NIBAN1: variants seen among roughly 807,000 people sequenced by gnomAD.
NIBAN1 encodes protein Niban 1.
Under a neutral mutation model 75.1 loss-of-function variants are expected in NIBAN1, and 81 were observed. That is an observed-to-expected ratio of 1.08 (90% CI 0.90 to 1.30). The LOEUF is 1.30. NIBAN1 is among the 50% of genes most tolerant of loss of function. NIBAN1 has a pLI of 0.00. For synonymous variants in NIBAN1, 436 were observed against 424.8 expected (o/e 1.03, Z -0.32); for missense variants, 1,133 against 1,128.1 (o/e 1.00, Z -0.06).
At chr1:184,805,412 C>T (rs574506883) in intron 11 of NIBAN1, among the ~76,000 whole-genome samples, 8 of 152,250 alleles carry the variant, frequency 5.3e-5, no homozygotes, top group African/African-American at 1.9e-4. Flanking sequence ...AGGTAAGAGG[C>T]TTTAAAATAT....
At chr1:184,970,364 A>C (rs1658905156) in intron 1 of NIBAN1, among the ~76,000 whole-genome samples, 1 of 152,138 alleles carries the variant, frequency 6.6e-6, no homozygotes, top group Admixed American at 6.5e-5. Flanking sequence ...TCCCACCAAC[A>C]AATTATGACC....
intron 5 of NIBAN1, chr1:184,867,784 G>T (rs989514332): frequency 8.0e-6 from 7 of 871,736 alleles, no homozygotes; most frequent in Non-Finnish European, 8.3e-6. Context: ...ATTGAGTTTG[G>T]TTTATAAGCA....
At chr1:184,942,563 G>A (rs1658117548) in intron 1 of NIBAN1, among the ~76,000 whole-genome samples, 2 of 152,046 alleles carry the variant, frequency 1.3e-5, no homozygotes, top group African/African-American at 4.8e-5. Flanking sequence ...GCGTGATGGC[G>A]GGCGCCTGTA....
At position 184,795,106 on chromosome 1, in the gene NIBAN1, G is replaced by A; in HGVS notation, c.2658C>T (p.Ala886=). 1 of 1,614,072 alleles carries A rather than the reference G, an allele frequency of 6.2e-7. No individual in the cohort carries two copies. The highest frequency in any genetic ancestry group is 8.5e-7 in the Non-Finnish European group (1 of 1,180,034). Residue 886 remains alanine, a synonymous_variant, in exon 14 of 14, where the codon GCC becomes GCT. Transcript: ENST00000367511. ...ASVNAEEIKV[A]RIHECQWVVE... ...CCACCCACTGACACTCATGAATACG[G>A]GCTACCTTGATCTCCTCTGCATTCA...
chr1:184,963,685 C>T (rs1020010180), intron 1 of NIBAN1, among the ~76,000 whole-genome samples: 3 of 151,910 alleles, frequency 2.0e-5, no homozygotes, highest in Non-Finnish European at 4.4e-5. Flanking sequence ...TGAAAGGCAC[C>T]AATAAATAAA....
intron 1 of NIBAN1, among the ~76,000 whole-genome samples, chr1:184,913,140 T>TATATATATATATATA (rs34503012): frequency 7.7e-6 from 1 of 130,558 alleles, no homozygotes; most frequent in African/African-American, 4.1e-5. Context: ...CATGCAGGTA[T>TATATATATATATATA]ATATATATAT....
chr1:184,958,364 T>TCACACACACA lies in NIBAN1; in HGVS notation c.55+15928_55+15937dup, dbSNP rs3035788. Among the ~76,000 whole-genome samples, 1,059 of 142,698 alleles carry TCACACACACA rather than the reference T, an allele frequency of 7.4e-3. 11 individuals carry two copies. The highest frequency in any genetic ancestry group is 0.022 in the African/African-American group (848 of 37,876). 93.6% of individuals were successfully genotyped at this position (142,698 alleles called of 152,430 possible). The stretch of plus-strand genomic sequence containing the variant: ...CACTCCAGCTTGTGTGACAGAGGAG[T>TCACACACACA]CACACACACACACACACACACACAC... On this transcript the variant is annotated intron_variant, in intron 1 of 13. Coordinates refer to ENST00000367511, the MANE Select transcript of NIBAN1 (RefSeq NM_052966.4).
rs550283869 is a variant in NIBAN1 at position 184,881,504 on chromosome 1, C to T, written c.601+3129G>A. Among the ~76,000 whole-genome samples, 15 of 152,224 alleles carry T rather than the reference C, an allele frequency of 9.9e-5. No individual in the cohort carries two copies. In the South Asian group the frequency reaches 2.1e-3, roughly 21 times the overall value. Reference sequence around the variant, plus strand: ...GCTGCTAGCGTTACAGGAAAGGGGTCCCGATCCAGATCCCAAGAGAGGGTT... The same window carrying T: ...GCTGCTAGCGTTACAGGAAAGGGGTTCCGATCCAGATCCCAAGAGAGGGTT... On this transcript the variant is annotated intron_variant, in intron 5 of 13. Coordinates refer to ENST00000367511, the MANE Select transcript of NIBAN1 (RefSeq NM_052966.4).
In NIBAN1 at chr1:184,919,978, A is replaced by G. The variant is rs1657489135; in HGVS notation, c.56-20669T>C. Among the ~76,000 whole-genome samples the G allele has an allele frequency of 2.0e-5, 3 of 152,170 alleles. No individual in the cohort carries two copies. The South Asian group carries it at 6.2e-4, about 32-fold the overall frequency. On this transcript the variant is annotated intron_variant, in intron 1 of 13. Coordinates refer to ENST00000367511, the MANE Select transcript of NIBAN1 (RefSeq NM_052966.4). ...GTTGCAATTCATTACCCAGGGATAG[A>G]AAGAAAAAACTTATAGTTGTTATAA...
rs1409855644 is a variant in NIBAN1 at position 184,916,484 on chromosome 1, G to C, written c.56-17175C>G. On this transcript the variant is annotated intron_variant, in intron 1 of 13. Transcript: ENST00000367511. ...ACCACAGTAGATGGGGAATAAATTA[G>C]CTATGAGCAAAAAAAATCCAATTCA... Among the ~76,000 whole-genome samples, 4 of 120,086 alleles carry C rather than the reference G, an allele frequency of 3.3e-5. No individual in the cohort carries two copies. The East Asian group carries it at 1.1e-3, about 32-fold the overall frequency. 78.8% of individuals were successfully genotyped at this position (120,086 alleles called of 152,430 possible). A position where few individuals can be genotyped will look rare whatever the true frequency, so the allele number is the denominator to read the frequency against.
intron 1 of NIBAN1, among the ~76,000 whole-genome samples, chr1:184,907,808 C>A (rs1321532721): frequency 1.3e-5 from 2 of 152,146 alleles, no homozygotes; most frequent in Non-Finnish European, 2.9e-5. Context: ...GGTTTTTGAA[C>A]AGTCTCTCCT....
chr1:184,963,118 T>G (rs1384462850), intron 1 of NIBAN1, among the ~76,000 whole-genome samples: 1 of 152,058 alleles, frequency 6.6e-6, no homozygotes, highest in East Asian at 1.9e-4. Context: ...ATAAAAATTT[T>G]TTAAAGACAT....
intron 1 of NIBAN1, among the ~76,000 whole-genome samples, chr1:184,910,899 A>G (rs112961238): frequency 5.6e-4 from 85 of 152,246 alleles, no homozygotes; most frequent in African/African-American, 1.9e-3. Flanking sequence ...GGTCTTTTCC[A>G]GGCTTTGGAC....
rs1430220815 is a variant in NIBAN1, at chr1:184,791,871, T to G, written c.*3106A>C. On this transcript the variant is annotated 3_prime_UTR_variant, in exon 14 of 14. Coordinates refer to ENST00000367511, the MANE Select transcript of NIBAN1 (RefSeq NM_052966.4). ...TGATATGCAGTTATTCCATTCAACA[T>G]GTTAAAATGAAGACAGAGTATTTTA... The G allele has an allele frequency of 2.0e-5, 3 of 152,228 alleles. No homozygotes were observed. The highest frequency in any genetic ancestry group is 4.8e-5 in the African/African-American group (2 of 41,450). 9.4% of individuals were successfully genotyped at this position (152,228 alleles called of 1,614,324 possible).
chr1:184,831,035 C>T (rs1363907006), intron 6 of NIBAN1, among the ~76,000 whole-genome samples: 1 of 151,722 alleles, frequency 6.6e-6, no homozygotes, highest in East Asian at 1.9e-4. Context: ...TACCGTGTTA[C>T]TTTATGTAAA....
chr1:184,844,860 G>A (rs1655392366), intron 5 of NIBAN1, among the ~76,000 whole-genome samples: 1 of 152,170 alleles, frequency 6.6e-6, no homozygotes, highest in Non-Finnish European at 1.5e-5. Flanking sequence ...ACCCTGCCCT[G>A]ATCAGAAAGG....
intron 1 of NIBAN1, among the ~76,000 whole-genome samples, chr1:184,968,598 AAATACTAT>A (rs1302466004): frequency 6.6e-6 from 1 of 152,202 alleles, no homozygotes; most frequent in Admixed American, 6.5e-5. Flanking sequence ...GAGCTGAGAC[AAATACTAT>A]AATCTTTACC....
At chr1:184,809,697 G>A (rs1301704486) in intron 9 of NIBAN1, among the ~76,000 whole-genome samples, 1 of 148,764 alleles carries the variant, frequency 6.7e-6, no homozygotes, top group Non-Finnish European at 1.5e-5. Context: ...ATATATATGT[G>A]TATACATAAA....
chr1:184,949,283 G>A lies in NIBAN1; in HGVS notation c.55+25019C>T, dbSNP rs190219798. Among the ~76,000 whole-genome samples the A allele has an allele frequency of 1.5e-3, 230 of 152,282 alleles. 1 individual carries two copies. The highest frequency in any genetic ancestry group is 5.3e-3 in the African/African-American group (219 of 41,550). On this transcript the variant is annotated intron_variant, in intron 1 of 13. Coordinates refer to ENST00000367511, the MANE Select transcript of NIBAN1 (RefSeq NM_052966.4). ...TGAGGCAGGAGAATGGCATGAACCC[G>A]GGAGGCAGACCTTGCAGTAAGCCGA... is the stretch of plus-strand genomic sequence containing the variant.
Sources: gnomAD v4.1 joint callset for allele counts (sites outside exome capture counted in the v4.1 genomes callset) on GRCh38, gnomAD v4.1.1 for gene constraint, MANE v1.5 for transcripts, NCBI Gene and HGNC (gene_info 2026-07-23, HGNC 2026-07-21) for gene names.